GNAQ: variants seen among roughly 807,000 people sequenced by gnomAD.
The protein encoded by GNAQ is guanine nucleotide-binding protein G(q) subunit alpha.
In GNAQ, 8 loss-of-function variants were observed where a neutral mutation model predicts 43.9. The observed-to-expected ratio is 0.18, with a 90% CI of 0.11 to 0.33. GNAQ has a LOEUF of 0.33. GNAQ is among the 10% of genes least tolerant of loss of function. The pLI is 1.00. For synonymous variants in GNAQ, 155 were observed against 170.7 expected, an observed-to-expected ratio of 0.91 and a Z score of 0.71; for missense variants, 158 against 450.8, an observed-to-expected ratio of 0.35 and a Z score of 5.88.
At chr9:77,758,037 C>T (rs1047003372) in intron 5 of GNAQ, among the ~76,000 whole-genome samples, 3 of 152,170 alleles carry the variant, frequency 2.0e-5, no homozygotes, top group Non-Finnish European at 4.4e-5. Flanking sequence ...TGATTAAACA[C>T]TAAAGTCTAA....
chr9:77,997,025 T>C (rs1166462199), intron 1 of GNAQ, among the ~76,000 whole-genome samples: 2 of 152,212 alleles, frequency 1.3e-5, no homozygotes, highest in African/African-American at 4.8e-5. Context: ...TTTGTAACAA[T>C]CACTGTGATT....
At chr9:77,726,862 A>G (rs1825403562) in intron 6 of GNAQ, among the ~76,000 whole-genome samples, 1 of 152,212 alleles carries the variant, frequency 6.6e-6, no homozygotes, top group Non-Finnish European at 1.5e-5. Flanking sequence ...TTAACTATCT[A>G]GACCACGGCT....
chr9:78,017,129 G>C (rs1393309375), intron 1 of GNAQ, among the ~76,000 whole-genome samples: 1 of 152,130 alleles, frequency 6.6e-6, no homozygotes, highest in East Asian at 1.9e-4. Flanking sequence ...AAAGGTATCA[G>C]GTATAAATGG....
intron 1 of GNAQ, among the ~76,000 whole-genome samples, chr9:77,956,812 GAC>G (rs756013271): frequency 4.6e-5 from 7 of 152,156 alleles, no homozygotes; most frequent in African/African-American, 7.2e-5. Context: ...GGGCTCCAGG[GAC>G]ACACTGTCTC....
intron 1 of GNAQ, among the ~76,000 whole-genome samples, chr9:77,983,715 C>A (rs1049047096): frequency 6.6e-6 from 1 of 152,090 alleles, no homozygotes; most frequent in African/African-American, 2.4e-5. Context: ...TATCTATGCA[C>A]TTAAAATCAG....
intron 5 of GNAQ, among the ~76,000 whole-genome samples, chr9:77,732,454 C>T (rs1423451886): frequency 6.6e-6 from 1 of 151,942 alleles, no homozygotes; most frequent in African/African-American, 2.4e-5. Flanking sequence ...CAACCTCTGC[C>T]TCCTGAGTTC....
intron 1 of GNAQ, among the ~76,000 whole-genome samples, chr9:77,992,606 A>AGTTTTTCTACATAATTTTT (rs1419934087): frequency 6.6e-6 from 1 of 152,192 alleles, no homozygotes; most frequent in African/African-American, 2.4e-5. Flanking sequence ...GAAATAACTT[A>AGTTTTTCTACATAATTTTT]GTTTTTCTAC....
intron 2 of GNAQ, among the ~76,000 whole-genome samples, chr9:77,849,718 G>A (rs1587944347): frequency 6.6e-6 from 1 of 152,144 alleles, no homozygotes; most frequent in African/African-American, 2.4e-5. Context: ...CCAGGCTGGA[G>A]AGCAGTGGCA....
In GNAQ at chr9:77,759,926, T is replaced by C. The variant is rs368768512; in HGVS notation, c.736-31259A>G. Among the ~76,000 whole-genome samples the C allele has an allele frequency of 5.2e-3, 784 of 151,416 alleles. 3 individuals are homozygous for C. Among genetic ancestry groups the C allele is most frequent in the African/African-American group, 0.018 (733 of 41,242 alleles). On this transcript the variant is annotated intron_variant, in intron 5 of 6. Transcript: ENST00000286548. ...TCTTTCTTTTTTTTCTTTTCCTTTTTCTTTTTCTTTTTTTTTTGAGACAGG... is the reference window on the plus strand; with the variant it reads ...TCTTTCTTTTTTTTCTTTTCCTTTTCCTTTTTCTTTTTTTTTTGAGACAGG...
intron 1 of GNAQ, among the ~76,000 whole-genome samples, chr9:77,932,397 T>C (rs2118311108): frequency 6.6e-6 from 1 of 152,306 alleles, no homozygotes; most frequent in Non-Finnish European, 1.5e-5. Flanking sequence ...AGATGAATAA[T>C]AAAATATCTA....
intron 1 of GNAQ, among the ~76,000 whole-genome samples, chr9:77,930,658 A>AT (rs1259968666): frequency 2.6e-5 from 4 of 152,148 alleles, no homozygotes; most frequent in African/African-American, 4.8e-5. Flanking sequence ...GTGTGCAGTG[A>AT]TTTTTTTACT....
intron 2 of GNAQ, among the ~76,000 whole-genome samples, chr9:77,920,053 C>A (rs778311020): frequency 1.3e-5 from 2 of 151,980 alleles, no homozygotes; most frequent in Non-Finnish European, 2.9e-5. Context: ...GCAGGAGAAT[C>A]GCTTGAACCT....
chr9:77,982,558 C>T (rs921287448), intron 1 of GNAQ, among the ~76,000 whole-genome samples: 1 of 152,012 alleles, frequency 6.6e-6, no homozygotes, highest in Non-Finnish European at 1.5e-5. Context: ...TACAAACAAA[C>T]ATTAGCCTAT....
rs368409819 is a variant in GNAQ, at chr9:77,861,861, G to A, written c.322-46091C>T. 2.2e-4 allele frequency among the ~76,000 whole-genome samples: 34 copies of A among 152,020 alleles called. No individual in the cohort carries two copies. The East Asian group carries it at 2.7e-3, about 12-fold the overall frequency. Reference sequence around the variant, plus strand: ...CTAAAAATACAAAAATTAGCCGGGCGTGGTGGCATGGCACACACCTGTAAT... The same window carrying A: ...CTAAAAATACAAAAATTAGCCGGGCATGGTGGCATGGCACACACCTGTAAT... On this transcript the variant is annotated intron_variant, in intron 2 of 6. Transcript: ENST00000286548.
intron 5 of GNAQ, among the ~76,000 whole-genome samples, chr9:77,767,699 A>C (rs1322142096): frequency 6.6e-6 from 1 of 152,218 alleles, no homozygotes; most frequent in Non-Finnish European, 1.5e-5. Context: ...AAAGGTGATA[A>C]AACTACTTAA....
chr9:77,814,339 G>T (rs1339796718), intron 3 of GNAQ, among the ~76,000 whole-genome samples: 1 of 152,108 alleles, frequency 6.6e-6, no homozygotes, highest in Non-Finnish European at 1.5e-5. Context: ...GACCAGAAAT[G>T]AGAAGAACTA....
chr9:77,738,001 T>C (rs980225734), intron 5 of GNAQ, among the ~76,000 whole-genome samples: 2 of 152,186 alleles, frequency 1.3e-5, no homozygotes, highest in African/African-American at 4.8e-5. Context: ...TGAGTATCAC[T>C]AGTGAGGCAC....
At chr9:77,817,509 C>A (rs533022546) in intron 2 of GNAQ, among the ~76,000 whole-genome samples, 34 of 152,324 alleles carry the variant, frequency 2.2e-4, no homozygotes, top group African/African-American at 8.2e-4. Context: ...ACCCATAACA[C>A]TGGTCATAAC....
At chr9:77,937,495 G>T (rs552842349) in intron 1 of GNAQ, among the ~76,000 whole-genome samples, 1 of 152,236 alleles carries the variant, frequency 6.6e-6, no homozygotes, top group South Asian at 2.1e-4. Flanking sequence ...TATATACACA[G>T]ATATGTGCAA....
Sources: gnomAD v4.1 joint callset for allele counts (sites outside exome capture counted in the v4.1 genomes callset) on GRCh38, gnomAD v4.1.1 for gene constraint, MANE v1.5 for transcripts, NCBI Gene and HGNC (gene_info 2026-07-23, HGNC 2026-07-21) for gene names.